RHOA: variants seen among roughly 807,000 people sequenced by gnomAD.
The protein encoded by RHOA is ras homolog family member A.
In RHOA, 3 loss-of-function variants were observed where a neutral mutation model predicts 17.5. The ratio of observed to expected loss-of-function variants is 0.17; its 90% CI spans 0.08 to 0.44. The LOEUF (loss-of-function observed/expected upper bound fraction) is 0.44. RHOA is among the 20% of genes least tolerant of loss of function. The pLI is 0.99. For synonymous variants in RHOA, 98 were observed against 88.4 expected (o/e 1.11, Z -0.61); for missense variants, 56 against 242.3 (o/e 0.23, Z 5.10).
rs370972663 is a variant in RHOA, at chr3:49,365,628, T to C, written c.277+2800A>G. Among the ~76,000 whole-genome samples the C allele has an allele frequency of 4.0e-4, 59 of 148,608 alleles. No homozygotes were observed. The East Asian group carries it at 9.9e-3, about 25-fold the overall frequency. ...TTTTTGAGACAAGAGTCTCACTCTG[T>C]CACCTAGGCTGGAGTGCAGTGATGC... On this transcript the variant is annotated intron_variant, in intron 3 of 4. Transcript: ENST00000418115.
At chr3:49,370,654 C>A (rs1286780508) in intron 2 of RHOA, among the ~76,000 whole-genome samples, 1 of 152,116 alleles carries the variant, frequency 6.6e-6, no homozygotes, top group Non-Finnish European at 1.5e-5. Flanking sequence ...CATCCGGGTA[C>A]ATCCTCACCC....
chr3:49,376,780 A>G (rs932877781), intron 1 of RHOA, among the ~76,000 whole-genome samples: 18 of 152,252 alleles, frequency 1.2e-4, no homozygotes, highest in East Asian at 1.2e-3. Context: ...ACATTCTGCA[A>G]TCTTTCTAAG....
intron 3 of RHOA, chr3:49,366,653 G>A (rs748316477): frequency 5.9e-5 from 9 of 152,090 alleles, no homozygotes; most frequent in African/African-American, 1.9e-4. Flanking sequence ...GTGAACCAAC[G>A]GCATGGAATA....
At chr3:49,375,696 A>T (rs2048214921) in intron 1 of RHOA, 105 bp from the exon 2 acceptor site, 1 of 1,219,308 alleles carries the variant, frequency 8.2e-7, no homozygotes, top group Admixed American at 2.4e-5. Context: ...CTCTATTAGC[A>T]TACTCAAATT....
rs147154008 is a variant in RHOA, at chr3:49,383,840, G to T, written c.-2-8249C>A. On this transcript the variant is annotated intron_variant, in intron 1 of 4. Coordinates refer to ENST00000418115, the MANE Select transcript of RHOA (RefSeq NM_001664.4). ...AGGTCAGGAGTTCGAGACCAGCCTG[G>T]CAAACATGGCAAAACCCCGTCTCTA... Among the ~76,000 whole-genome samples the T allele has an allele frequency of 4.3e-3, 661 of 152,094 alleles. 3 individuals are homozygous for T. The highest frequency in any genetic ancestry group is 0.037 in the Middle Eastern group (11 of 294).
chr3:49,410,331 C>G (rs943372494), intron 1 of RHOA, among the ~76,000 whole-genome samples: 4 of 152,160 alleles, frequency 2.6e-5, no homozygotes, highest in Non-Finnish European at 5.9e-5. Flanking sequence ...GTTGGACAAC[C>G]AGTCCTGAAA....
intron 1 of RHOA, among the ~76,000 whole-genome samples, chr3:49,385,074 T>G (rs1343527543): frequency 6.6e-6 from 1 of 150,386 alleles, no homozygotes; most frequent in African/African-American, 2.4e-5. Context: ...AAAAACAAAT[T>G]TAATTATCTT....
At chr3:49,378,776 T>C (rs529831408) in intron 1 of RHOA, among the ~76,000 whole-genome samples, 3 of 151,968 alleles carry the variant, frequency 2.0e-5, no homozygotes, top group African/African-American at 4.8e-5. Context: ...GACTAATTTT[T>C]ATACAGATAG....
At chr3:49,394,288 G>A (rs1203225279) in intron 1 of RHOA, among the ~76,000 whole-genome samples, 2 of 152,112 alleles carry the variant, frequency 1.3e-5, no homozygotes, top group Non-Finnish European at 2.9e-5. Context: ...ACAGGCGTGA[G>A]CCACTGCATC....
At chr3:49,368,951 T>G (rs1200236050) in intron 2 of RHOA, among the ~76,000 whole-genome samples, 2 of 137,818 alleles carry the variant, frequency 1.5e-5, no homozygotes, top group Non-Finnish European at 3.1e-5. Context: ...TCATGATCCG[T>G]CCGCCTCGGC....
intron 1 of RHOA, among the ~76,000 whole-genome samples, chr3:49,401,527 C>T (rs1279565125): frequency 6.8e-6 from 1 of 147,070 alleles, no homozygotes; most frequent in Non-Finnish European, 1.5e-5. Context: ...CACTGCACTC[C>T]AGCCTGGGCG....
intron 4 of RHOA, 128 bp downstream of exon 4, chr3:49,362,368 G>A: frequency 1.1e-6 from 1 of 887,924 alleles, no homozygotes. Flanking sequence ...AGGGTCAGAG[G>A]GCCACAGAGG....
intron 1 of RHOA, among the ~76,000 whole-genome samples, chr3:49,400,222 A>C (rs546395559): frequency 1.3e-3 from 13 of 9,914 alleles, no homozygotes; most frequent in Non-Finnish European, 3.0e-3. Flanking sequence ...AAAAAAAAAA[A>C]AAAACAAAAA....
chr3:49,365,272 AGCTGGGATTACAGGCACTCGCCACCAC>A (rs2048037288), intron 3 of RHOA: 1 of 151,348 alleles, frequency 6.6e-6, no homozygotes, highest in African/African-American at 2.4e-5. Context: ...CCTCCCGAGT[AGCTGGGATTACAGGCACTCGCCACCAC>A]GCCCGGATGA....
intron 1 of RHOA, among the ~76,000 whole-genome samples, chr3:49,401,371 G>A (rs1195968108): frequency 2.6e-5 from 4 of 151,670 alleles, no homozygotes; most frequent in Admixed American, 2.0e-4. Context: ...ATATGAAAAC[G>A]GACAGGCAAG....
At chr3:49,378,176 A>C (rs1424452329) in intron 1 of RHOA, among the ~76,000 whole-genome samples, 1 of 150,080 alleles carries the variant, frequency 6.7e-6, no homozygotes. Flanking sequence ...GTCTTAAAAA[A>C]AAAAAAAAAA....
chr3:49,367,872 G>A (rs987360345), intron 3 of RHOA, among the ~76,000 whole-genome samples: 1 of 151,664 alleles, frequency 6.6e-6, no homozygotes, highest in Non-Finnish European at 1.5e-5. Context: ...AAGGCAGTTA[G>A]ATTTTTAAAT....
intron 3 of RHOA, chr3:49,367,011 A>G (rs1399626263): frequency 6.6e-6 from 1 of 152,062 alleles, no homozygotes; most frequent in Non-Finnish European, 1.5e-5. Context: ...GGTTTCACAG[A>G]ATGTCAGGTT....
intron 1 of RHOA, among the ~76,000 whole-genome samples, chr3:49,403,551 CA>C (rs989508355): frequency 1.9e-4 from 27 of 141,748 alleles, no homozygotes; most frequent in South Asian, 6.6e-4. Context: ...CCTCTCTCTA[CA>C]AAAAAAAAAA....
Sources: gnomAD v4.1 joint callset for allele counts (sites outside exome capture counted in the v4.1 genomes callset) on GRCh38, gnomAD v4.1.1 for gene constraint, MANE v1.5 for transcripts, NCBI Gene and HGNC (gene_info 2026-07-23, HGNC 2026-07-21) for gene names.